GRM7: variants seen among roughly 807,000 people sequenced by gnomAD.
GRM7 encodes metabotropic glutamate receptor 7.
GRM7 carries 35 observed loss-of-function variants against 84.5 expected under a neutral mutation model. The observed-to-expected ratio is 0.41, with a 90% CI of 0.32 to 0.55. The LOEUF is 0.55. Among genes scored for constraint, GRM7 ranks in the 20% least tolerant of loss-of-function variants. The pLI, the probability that GRM7 is intolerant of heterozygous loss-of-function variation, is 0.19. For synonymous variants in GRM7, 487 were observed against 455.1 expected, an observed-to-expected ratio of 1.07 and a Z score of -0.89; for missense variants, 1,003 against 1,194.6, an observed-to-expected ratio of 0.84 and a Z score of 2.36.
chr3:7,114,111 T>C (rs1692950890), intron 1 of GRM7, among the ~76,000 whole-genome samples: 1 of 152,180 alleles, frequency 6.6e-6, no homozygotes, highest in Non-Finnish European at 1.5e-5. Flanking sequence ...GATGTGTGAC[T>C]TAATGGAGAT....
At chr3:7,620,973 G>A (rs1305352009) in intron 8 of GRM7, among the ~76,000 whole-genome samples, 3 of 152,064 alleles carry the variant, frequency 2.0e-5, no homozygotes, top group Non-Finnish European at 4.4e-5. Context: ...AGAGGAGGGG[G>A]TGAATAATTA....
intron 1 of GRM7, among the ~76,000 whole-genome samples, chr3:7,110,323 A>G (rs1226476383): frequency 1.3e-5 from 2 of 152,090 alleles, no homozygotes; most frequent in Admixed American, 1.3e-4. Flanking sequence ...GATTCAGGCC[A>G]GGCACGGTGG....
chr3:7,620,446 G>A (rs1017949077), intron 8 of GRM7, among the ~76,000 whole-genome samples: 3 of 152,086 alleles, frequency 2.0e-5, no homozygotes, highest in Non-Finnish European at 2.9e-5. Context: ...ATGTCTTGGT[G>A]AATTATGACT....
intron 2 of GRM7, among the ~76,000 whole-genome samples, chr3:7,294,148 A>G (rs900556362): frequency 1.3e-5 from 2 of 152,178 alleles, no homozygotes; most frequent in Non-Finnish European, 2.9e-5. Context: ...GAAACTCCAC[A>G]CATCCGTTCC....
intron 1 of GRM7, among the ~76,000 whole-genome samples, chr3:7,106,091 T>C (rs1339689772): frequency 6.9e-6 from 1 of 143,966 alleles, no homozygotes; most frequent in Non-Finnish European, 1.5e-5. Context: ...TTTTCTTCTT[T>C]GTTTATTTAT....
chr3:7,512,637 T>C (rs1260538140), intron 7 of GRM7, among the ~76,000 whole-genome samples: 1 of 151,282 alleles, frequency 6.6e-6, no homozygotes, highest in Non-Finnish European at 1.5e-5. Flanking sequence ...ATTTGAGAGA[T>C]TGGTGCAAAA....
intron 4 of GRM7, among the ~76,000 whole-genome samples, chr3:7,406,934 T>C (rs914398469): frequency 5.3e-5 from 8 of 152,158 alleles, no homozygotes; most frequent in African/African-American, 1.9e-4. Flanking sequence ...CACTCACTGT[T>C]AGTAGAGGGA....
intron 4 of GRM7, among the ~76,000 whole-genome samples, chr3:7,352,440 C>T (rs1693203048): frequency 6.6e-6 from 1 of 152,036 alleles, no homozygotes; most frequent in African/African-American, 2.4e-5. Flanking sequence ...ATTTGAACTC[C>T]AGGCTCCAGA....
chr3:7,220,491 T>C (rs978284565), intron 2 of GRM7, among the ~76,000 whole-genome samples: 1 of 151,994 alleles, frequency 6.6e-6, no homozygotes, highest in African/African-American at 2.4e-5. Flanking sequence ...ACCAAAGGCA[T>C]AGAAAACAAG....
chr3:7,356,078 G>A (rs1305990826), intron 4 of GRM7, among the ~76,000 whole-genome samples: 1 of 152,068 alleles, frequency 6.6e-6, no homozygotes, highest in African/African-American at 2.4e-5. Flanking sequence ...ACTTTTCTTA[G>A]CAGGAGAAAT....
rs1696224579 is a variant in GRM7 at position 7,205,980 on chromosome 3, C to G, written c.736+59312C>G. Among the ~76,000 whole-genome samples, 3 of 152,142 alleles carry G rather than the reference C, an allele frequency of 2.0e-5. No homozygotes were observed. The South Asian group carries it at 6.2e-4, about 31-fold the overall frequency. ...ACCTCAGTGTGTTAGACATAATTCT[C>G]TTTATTCATGACATTGTATCAATAC... On this transcript the variant is annotated intron_variant, in intron 2 of 9. Coordinates refer to ENST00000357716, the MANE Select transcript of GRM7 (RefSeq NM_000844.4).
At chr3:7,206,466 G>A (rs1696243437) in intron 2 of GRM7, among the ~76,000 whole-genome samples, 1 of 152,112 alleles carries the variant, frequency 6.6e-6, no homozygotes. Flanking sequence ...TTTCTGGAAA[G>A]GAAATCAAGT....
At chr3:7,136,142 CAT>C (rs1215262422) in intron 1 of GRM7, among the ~76,000 whole-genome samples, 2 of 151,898 alleles carry the variant, frequency 1.3e-5, no homozygotes, top group African/African-American at 2.4e-5. Context: ...TTAGAAATGA[CAT>C]ATAATTATTT....
At chr3:7,701,854 G>C (rs924806) in intron 9 of GRM7, among the ~76,000 whole-genome samples, 3,309 of 152,208 alleles carry the variant, frequency 0.022, 92 homozygotes, top group East Asian at 0.06. Flanking sequence ...TAGACACTAA[G>C]CTCCATGACA....
At chr3:7,521,943 A>T (rs1007157757) in intron 7 of GRM7, among the ~76,000 whole-genome samples, 1 of 152,112 alleles carries the variant, frequency 6.6e-6, no homozygotes, top group African/African-American at 2.4e-5. Context: ...CACATACCAC[A>T]TGGACAGTTC....
intron 1 of GRM7, among the ~76,000 whole-genome samples, chr3:6,875,563 A>G (rs1028021900): frequency 2.0e-5 from 3 of 152,272 alleles, no homozygotes; most frequent in African/African-American, 7.2e-5. Context: ...TGGAACTGTG[A>G]GTCAATTAAA....
chr3:7,449,943 A>G (rs936533157), intron 5 of GRM7, among the ~76,000 whole-genome samples: 1 of 152,138 alleles, frequency 6.6e-6, no homozygotes, highest in Admixed American at 6.6e-5. Context: ...TTAACAGAAA[A>G]TTAAATCAAT....
chr3:7,115,356 C>T (rs754804355), intron 1 of GRM7, among the ~76,000 whole-genome samples: 1 of 152,102 alleles, frequency 6.6e-6, no homozygotes, highest in Non-Finnish European at 1.5e-5. Flanking sequence ...CAGGAAGATG[C>T]AAAATAACAT....
intron 1 of GRM7, among the ~76,000 whole-genome samples, chr3:6,906,317 C>G (rs1468897535): frequency 6.6e-6 from 1 of 152,064 alleles, no homozygotes; most frequent in African/African-American, 2.4e-5. Flanking sequence ...CATGCTGAAG[C>G]TAAGTCAGTG....
Sources: allele counts gnomAD v4.1 joint callset (sites outside exome capture counted in the v4.1 genomes callset), GRCh38; gene constraint gnomAD v4.1.1; transcripts MANE v1.5; gene names NCBI Gene and HGNC (gene_info 2026-07-23, HGNC 2026-07-21).